Variants in PPP1R13B observed in about 807,000 individuals in gnomAD.
PPP1R13B encodes the protein protein phosphatase 1 regulatory subunit 13B.
A neutral mutation model predicts 119.8 loss-of-function variants in PPP1R13B; 44 were observed. That is an observed-to-expected ratio of 0.37 (90% confidence interval 0.29 to 0.47). The LOEUF is 0.47. Among genes scored for constraint, PPP1R13B ranks in the 20% least tolerant of loss-of-function variants. PPP1R13B has a pLI of 0.99. For synonymous variants in PPP1R13B, 542 were observed against 561.5 expected (o/e 0.97, Z 0.49); for missense variants, 1,227 against 1,413.5 (o/e 0.87, Z 2.12).
chr14:103,769,289 C>T (rs1236136098), intron 4 of PPP1R13B, among the ~76,000 whole-genome samples: 1 of 151,922 alleles, frequency 6.6e-6, no homozygotes, highest in Non-Finnish European at 1.5e-5. Flanking sequence ...CGGGGCTTTA[C>T]CATGTTGGCC....
At chr14:103,782,113 T>G (rs955691986) in intron 3 of PPP1R13B, among the ~76,000 whole-genome samples, 5 of 152,298 alleles carry the variant, frequency 3.3e-5, no homozygotes, top group African/African-American at 1.2e-4. Flanking sequence ...TACAGCCACT[T>G]TTCCCTTTCC....
At chr14:103,792,834 G>A (rs971769333) in intron 2 of PPP1R13B, among the ~76,000 whole-genome samples, 6 of 152,172 alleles carry the variant, frequency 3.9e-5, no homozygotes, top group Non-Finnish European at 7.4e-5. Context: ...ACTTTGGGAG[G>A]CCGAGGCAGG....
chr14:103,841,259 T>C (rs1333608830), intron 1 of PPP1R13B, among the ~76,000 whole-genome samples: 1 of 151,818 alleles, frequency 6.6e-6, no homozygotes, highest in Non-Finnish European at 1.5e-5. Context: ...CAGTCCAGCC[T>C]GTACAACAAG....
rs188340893 is a variant in PPP1R13B at position 103,753,480 on chromosome 14, T to G, written c.632-284A>C. ...TTAGAAATCTCTGAGACCAAAGGTT[T>G]TGTGAAGGCAGGGCCATCCAAGCCT... is the stretch of plus-strand genomic sequence containing the variant. On this transcript the variant is annotated intron_variant, in intron 6 of 16. Transcript: ENST00000202556. Among the ~76,000 whole-genome samples, 333 of 152,314 alleles carry G rather than the reference T, an allele frequency of 2.2e-3. 1 individual carries two copies. Among genetic ancestry groups the G allele is most frequent in the African/African-American group, 7.8e-3 (325 of 41,570 alleles).
intron 1 of PPP1R13B, among the ~76,000 whole-genome samples, chr14:103,836,405 G>A (rs2086779095): frequency 6.6e-6 from 1 of 152,170 alleles, no homozygotes; most frequent in South Asian, 2.1e-4. Context: ...AATCCTAACA[G>A]TATCATGAAA....
rs374051685 is a variant in PPP1R13B, at chr14:103,771,726, C to T, written c.354+7019G>A. Among the ~76,000 whole-genome samples the T allele has an allele frequency of 3.9e-5, 6 of 152,178 alleles. No individual in the cohort carries two copies. In the East Asian group the frequency reaches 1.2e-3, roughly 29 times the overall value. ...GAACTCCTGACCTCAGGTGACCCAC[C>T]CACCTTGGCCTCCCAAAGTACTGGG... On this transcript the variant is annotated intron_variant, in intron 4 of 16. Coordinates refer to ENST00000202556, the MANE Select transcript of PPP1R13B (RefSeq NM_015316.3).
chr14:103,836,726 C>T (rs1408963927), intron 1 of PPP1R13B, among the ~76,000 whole-genome samples: 3 of 150,120 alleles, frequency 2.0e-5, no homozygotes, highest in Admixed American at 6.7e-5. Context: ...GCCAAGATAG[C>T]GCCATCGCAC....
rs763648459 is a variant in PPP1R13B at position 103,742,142 on chromosome 14, G to T, written c.1470C>A (p.Pro490=). Residue 490 remains proline, a synonymous_variant, in exon 11 of 17, where the codon CCC becomes CCA. Transcript: ENST00000202556. This position sits in a 1 kb window ranked among gnomAD's most constrained non-coding sequence, Gnocchi z 4.9. The part of the protein sequence containing the change: ...ERRKEGSLPR[P]SAGLPSRQRP... ...TCTGTCGACTTGGCAGGCCTGCACT[G>T]GGCCTGGGCAAGCTGCCTTCCTTCC... 3 of 1,611,978 alleles carry T rather than the reference G, an allele frequency of 1.9e-6. No individual in the cohort carries two copies. Among genetic ancestry groups the T allele is most frequent in the South Asian group, 2.2e-5 (2 of 91,074 alleles).
intron 1 of PPP1R13B, among the ~76,000 whole-genome samples, chr14:103,831,039 GTTCAAGTGATTC>G (rs1392795568): frequency 2.6e-5 from 4 of 151,212 alleles, no homozygotes; most frequent in Non-Finnish European, 4.4e-5. Flanking sequence ...CGCCTCCCGA[GTTCAAGTGATTC>G]TTCTGCCTCG....
At chr14:103,828,858 A>C (rs1292756027) in intron 1 of PPP1R13B, among the ~76,000 whole-genome samples, 1 of 152,212 alleles carries the variant, frequency 6.6e-6, no homozygotes, top group African/African-American at 2.4e-5. Context: ...AAAGAACCAT[A>C]CGAAGATTTG....
intron 1 of PPP1R13B, among the ~76,000 whole-genome samples, chr14:103,835,694 C>T (rs2086760556): frequency 6.6e-6 from 1 of 151,420 alleles, no homozygotes; most frequent in East Asian, 2.0e-4. Context: ...CTGCAAGCTC[C>T]GCCTCCTGGG....
intron 4 of PPP1R13B, among the ~76,000 whole-genome samples, chr14:103,768,446 G>A (rs578086623): frequency 2.6e-4 from 39 of 152,080 alleles, no homozygotes; most frequent in Non-Finnish European, 4.1e-4. Flanking sequence ...ACAGGCGTGC[G>A]CCACCACGCC....
intron 1 of PPP1R13B, among the ~76,000 whole-genome samples, chr14:103,829,661 G>A (rs1471195255): frequency 1.3e-5 from 2 of 152,208 alleles, no homozygotes; most frequent in Non-Finnish European, 2.9e-5. Flanking sequence ...CTAGGCTGGA[G>A]TTCAATGATA....
chr14:103,831,238 C>T (rs954629390), intron 1 of PPP1R13B, among the ~76,000 whole-genome samples: 3 of 151,522 alleles, frequency 2.0e-5, no homozygotes, highest in South Asian at 2.1e-4. Flanking sequence ...CCACTACGCC[C>T]GGCCTCAAGT....
intron 1 of PPP1R13B, among the ~76,000 whole-genome samples, chr14:103,842,278 A>G (rs1457940445): frequency 6.6e-6 from 1 of 151,274 alleles, no homozygotes; most frequent in Non-Finnish European, 1.5e-5. Context: ...TAACATCACC[A>G]AACACCACCA....
At chr14:103,756,095 CTT>C (rs111939637) in intron 5 of PPP1R13B, among the ~76,000 whole-genome samples, 1 of 144,728 alleles carries the variant, frequency 6.9e-6, no homozygotes. Context: ...ATTTTTTTTT[CTT>C]TTTTTTTTTC....
At chr14:103,824,085 C>T (rs1391765213) in intron 1 of PPP1R13B, among the ~76,000 whole-genome samples, 2 of 118,346 alleles carry the variant, frequency 1.7e-5, no homozygotes, top group African/African-American at 6.4e-5. Context: ...CTTGCTCTGT[C>T]GCCAGACTGG....
chr14:103,791,661 T>C (rs1032313755), intron 2 of PPP1R13B, among the ~76,000 whole-genome samples: 10 of 151,984 alleles, frequency 6.6e-5, no homozygotes, highest in Non-Finnish European at 1.0e-4. Flanking sequence ...GAGGTGGAGG[T>C]TGTAGTGAGC....
chr14:103,843,029 A>G lies in PPP1R13B; in HGVS notation c.9+4270T>C, dbSNP rs756887895. Among the ~76,000 whole-genome samples, 14 of 151,996 alleles carry G rather than the reference A, an allele frequency of 9.2e-5. 1 individual carries two copies. ...AACATTCCCCACATATATCTCATCT[A>G]TGCACGAAAAGTTTTACTAGCTACA... On this transcript the variant is annotated intron_variant, in intron 1 of 16. Transcript: ENST00000202556.
Sources: allele counts gnomAD v4.1 joint callset (sites outside exome capture counted in the v4.1 genomes callset), GRCh38; gene constraint gnomAD v4.1.1; non-coding constraint Gnocchi (gnomAD v3.1); transcripts MANE v1.5; gene names NCBI Gene and HGNC (gene_info 2026-07-23, HGNC 2026-07-21).